Variants in TLN2 observed in about 807,000 individuals in gnomAD.
TLN2 encodes the protein talin-2.
TLN2 carries 118 observed loss-of-function variants against 294.7 expected under a neutral mutation model. The ratio of observed to expected loss-of-function variants is 0.40; its 90% CI spans 0.34 to 0.47. The LOEUF is 0.47. Ranked by LOEUF, TLN2 falls within the 20% of genes least tolerant of loss-of-function variation. The pLI is 0.84. For synonymous variants in TLN2, 1,431 were observed against 1,304.5 expected, an observed-to-expected ratio of 1.10 and a Z score of -2.09; for missense variants, 3,083 against 3,282.2, an observed-to-expected ratio of 0.94 and a Z score of 1.48.
At position 62,837,172 on chromosome 15, in the gene TLN2, A is replaced by G. The variant is rs552934460; in HGVS notation, c.7374+1099A>G. ...ATTCTTGTTGTATTGTGAAAGGCCT[A>G]AAGTGCATTTCCATTTTTTGGCCCT... On this transcript the variant is annotated intron_variant, in intron 57 of 58. Transcript: ENST00000636159. Among the ~76,000 whole-genome samples the G allele has an allele frequency of 5.9e-5, 9 of 152,350 alleles. No homozygotes were observed. In the East Asian group the frequency reaches 1.7e-3, roughly 29 times the overall value.
At chr15:62,720,303 G>A (rs1229531676) in intron 25 of TLN2, among the ~76,000 whole-genome samples, 1 of 152,158 alleles carries the variant, frequency 6.6e-6, no homozygotes, top group Non-Finnish European at 1.5e-5. Context: ...GTTCTTTGTG[G>A]CAATTGTACA....
intron 3 of TLN2, among the ~76,000 whole-genome samples, chr15:62,619,771 G>A (rs1236243579): frequency 6.6e-6 from 1 of 152,156 alleles, no homozygotes; most frequent in African/African-American, 2.4e-5. Flanking sequence ...GCCTTGGAGG[G>A]TAGCGTGTTC....
chr15:62,586,053 C>T (rs1457341201), intron 1 of TLN2, among the ~76,000 whole-genome samples: 1 of 152,196 alleles, frequency 6.6e-6, no homozygotes. Context: ...AGCCGGATGA[C>T]TAGTAAATGA....
At chr15:62,803,195 A>G (rs1378725455) in intron 50 of TLN2, among the ~76,000 whole-genome samples, 5 of 151,958 alleles carry the variant, frequency 3.3e-5, no homozygotes, top group African/African-American at 7.3e-5. Context: ...TGCTAAGCAT[A>G]TTGGAGCTCC....
intron 1 of TLN2, among the ~76,000 whole-genome samples, chr15:62,430,497 G>T (rs1219040867): frequency 1.3e-5 from 2 of 152,130 alleles, no homozygotes. Flanking sequence ...TGGATTATTT[G>T]CGAGGTAGCA....
rs183408120 is a variant in TLN2 at position 62,489,270 on chromosome 15, C to T, written c.-238+98585C>T. Among the ~76,000 whole-genome samples, 516 of 152,290 alleles carry T rather than the reference C, an allele frequency of 3.4e-3. 2 individuals are homozygous for T. Among genetic ancestry groups the T allele is most frequent in the Non-Finnish European group, 4.4e-3 (301 of 68,012 alleles). On this transcript the variant is annotated intron_variant, in intron 1 of 58. Coordinates refer to ENST00000636159, the MANE Select transcript of TLN2 (RefSeq NM_015059.3). ...TTTTCTTCACTTTTTCTAAAACAGT[C>T]CTTTGGTATCTTCAATGATTCATAA...
intron 32 of TLN2, among the ~76,000 whole-genome samples, chr15:62,742,072 T>TGTGAGA (rs1555495864): frequency 6.3e-5 from 9 of 142,408 alleles, no homozygotes; most frequent in African/African-American, 2.4e-4. Flanking sequence ...TGTGTGTGTG[T>TGTGAGA]GTGAAGGGTT....
At chr15:62,449,441 G>A (rs562076479) in intron 1 of TLN2, among the ~76,000 whole-genome samples, 2 of 152,256 alleles carry the variant, frequency 1.3e-5, no homozygotes, top group South Asian at 2.1e-4. Flanking sequence ...GCAGAGGGCA[G>A]GAAAGTTTAC....
intron 51 of TLN2, among the ~76,000 whole-genome samples, chr15:62,808,306 T>C (rs887939499): frequency 2.2e-4 from 33 of 152,320 alleles, no homozygotes; most frequent in African/African-American, 7.2e-4. Flanking sequence ...TGTGTTGCTA[T>C]ATTGCTGACT....
At chr15:62,499,087 A>T (rs1701735) in intron 1 of TLN2, among the ~76,000 whole-genome samples, 5,838 of 150,948 alleles carry the variant, frequency 0.039, 388 homozygotes, top group African/African-American at 0.13. Context: ...TGATGACAGA[A>T]TTTTTTTTTT....
intron 1 of TLN2, among the ~76,000 whole-genome samples, chr15:62,402,096 A>G (rs1350815360): frequency 6.6e-6 from 1 of 152,226 alleles, no homozygotes; most frequent in South Asian, 2.1e-4. Context: ...TAGGAGAAAT[A>G]TAGCTTATGT....
intron 15 of TLN2, 77 bp downstream of exon 15, chr15:62,697,945 TG>T: frequency 6.6e-7 from 1 of 1,521,928 alleles, no homozygotes; most frequent in Non-Finnish European, 8.9e-7. Context: ...GCGGCGGTGA[TG>T]GGCTGAGTGT....
At chr15:62,576,767 G>C (rs949651852) in intron 1 of TLN2, among the ~76,000 whole-genome samples, 2 of 140,714 alleles carry the variant, frequency 1.4e-5, no homozygotes, top group Admixed American at 8.0e-5. Flanking sequence ...TTTTGACAAA[G>C]AGCAAGTACG....
At chr15:62,564,253 G>A (rs1266035211) in intron 1 of TLN2, among the ~76,000 whole-genome samples, 2 of 152,118 alleles carry the variant, frequency 1.3e-5, no homozygotes, top group Non-Finnish European at 2.9e-5. Flanking sequence ...TCTTCCTCTG[G>A]TGGGCTTCTC....
chr15:62,758,278 A>G (rs1595895035), intron 37 of TLN2, among the ~76,000 whole-genome samples: 1 of 152,188 alleles, frequency 6.6e-6, no homozygotes, highest in African/African-American at 2.4e-5. Context: ...GCAGGGCTCC[A>G]CGAGAATCCA....
intron 57 of TLN2, among the ~76,000 whole-genome samples, chr15:62,836,281 T>A (rs954206043): frequency 6.6e-6 from 1 of 152,260 alleles, no homozygotes; most frequent in Non-Finnish European, 1.5e-5. Flanking sequence ...CCTTCTGGTC[T>A]CATGCCCTGG....
Position 62,792,734 on chromosome 15 carries a change from G to A in TLN2, c.5830G>A (p.Asp1944Asn), listed in dbSNP as rs2065159793. Residue 1944 changes from aspartate (D) to asparagine (N), a missense_variant, in exon 46 of 59, where the codon GAC becomes AAC. Coordinates refer to ENST00000636159, the MANE Select transcript of TLN2 (RefSeq NM_015059.3). Reference sequence around the variant, plus strand: ...AGGGGCCCTCCAGGTCTGCCCCACAGACAGCTACACCAAGAGGGAGCTGAT... The same window carrying A: ...AGGGGCCCTCCAGGTCTGCCCCACAAACAGCTACACCAAGAGGGAGCTGAT... ...KAGALQVCPT[D>N]SYTKRELIEC... The A allele has an allele frequency of 6.2e-7, 1 of 1,614,122 alleles. No individual in the cohort carries two copies. Among genetic ancestry groups the A allele is most frequent in the Non-Finnish European group, 8.5e-7 (1 of 1,180,042 alleles).
chr15:62,657,990 C>A, intron 9 of TLN2, 92 bp downstream of exon 9: 3 of 1,218,106 alleles, frequency 2.5e-6, no homozygotes, highest in Non-Finnish European at 3.4e-6. Context: ...TAAGATCATA[C>A]CCTAATTTCA....
At chr15:62,743,110 G>A (rs1430258126) in intron 32 of TLN2, among the ~76,000 whole-genome samples, 2 of 152,174 alleles carry the variant, frequency 1.3e-5, no homozygotes, top group African/African-American at 4.8e-5. Context: ...CTCACCACAT[G>A]CTCCGCTCAT....
Sources: allele counts gnomAD v4.1 joint callset (sites outside exome capture counted in the v4.1 genomes callset), GRCh38; gene constraint gnomAD v4.1.1; transcripts MANE v1.5; gene names NCBI Gene and HGNC (gene_info 2026-07-23, HGNC 2026-07-21).